The following SLC6A7 variants were observed in gnomAD, a reference collection of about 807,000 sequenced individuals.
SLC6A7 encodes sodium-dependent proline transporter.
SLC6A7 carries 58 observed loss-of-function variants against 73.1 expected under a neutral mutation model. The ratio of observed to expected loss-of-function variants is 0.79; its 90% CI spans 0.64 to 0.99. The LOEUF (loss-of-function observed/expected upper bound fraction) is 0.99. SLC6A7 is among the 50% of genes least tolerant of loss of function. The probability of loss-of-function intolerance (pLI) is 0.00; values close to 1 mark genes in which losing one functional copy is unlikely to be tolerated. For synonymous variants in SLC6A7, 338 were observed against 338.7 expected (o/e 1.00, Z 0.02); for missense variants, 783 against 831.4 (o/e 0.94, Z 0.72).
chr5:150,198,852 G>A (rs1435114420), intron 4 of SLC6A7, among the ~76,000 whole-genome samples: 4 of 151,100 alleles, frequency 2.6e-5, no homozygotes, highest in Admixed American at 2.6e-4. Context: ...GTGTGTGTGT[G>A]TGTGTGTGTG....
At chr5:150,202,292 C>A in intron 6 of SLC6A7, 55 bp from the exon 7 acceptor site, 2 of 1,214,350 alleles carry the variant, frequency 1.6e-6, no homozygotes, top group Non-Finnish European at 2.4e-6. Flanking sequence ...TCACTGCCTT[C>A]CTTCTCTGTC....
Position 150,209,967 on chromosome 5 carries a change from C to G in SLC6A7, c.*352C>G, listed in dbSNP as rs1041850108. ...CCTCCTGACCAGCCAGCTCCCTTTC[C>G]CATGGGGCAGCCGGCACCACCTTCT... On this transcript the variant is annotated 3_prime_UTR_variant, in exon 14 of 14. Transcript: ENST00000230671. The G allele has an allele frequency of 9.3e-6, 3 of 321,100 alleles. No homozygotes were observed. The highest frequency in any genetic ancestry group is 1.8e-5 in the Non-Finnish European group (3 of 167,670). The allele number at this position is 321,100 out of a possible 1,614,324, so 19.9% of individuals were successfully genotyped here. A position where few individuals can be genotyped will look rare whatever the true frequency, so the allele number is the denominator to read the frequency against.
intron 13 of SLC6A7, among the ~76,000 whole-genome samples, chr5:150,205,837 TA>T (rs1753672194): frequency 6.6e-6 from 1 of 152,150 alleles, no homozygotes; most frequent in Non-Finnish European, 1.5e-5. Flanking sequence ...TGGCACAATC[TA>T]AAGACCACTG....
Position 150,203,694 on chromosome 5 carries a change from C to T in SLC6A7, c.1115C>T (p.Pro372Leu), listed in dbSNP as rs1753508721. 1.2e-6 allele frequency: 2 copies of T among 1,611,942 alleles called. No homozygotes were observed. Among genetic ancestry groups the T allele is most frequent in the African/African-American group, 1.3e-5 (1 of 74,868 alleles). Residue 372 changes from proline (P) to leucine (L), a missense_variant, in exon 9 of 14, where the codon CCA (proline) becomes CTA (leucine). Transcript: ENST00000230671. ...CCTGGCCTGGCCTTTGTCGTCTACC[C>T]ACAGGCCATGACCATGCTGCCTCTG... ...AGPGLAFVVY[P>L]QAMTMLPLSP...
At chr5:150,208,861 G>C (rs1554117662) in intron 13 of SLC6A7, among the ~76,000 whole-genome samples, 1 of 152,220 alleles carries the variant, frequency 6.6e-6, no homozygotes, top group Non-Finnish European at 1.5e-5. Flanking sequence ...GTCAGAGGCA[G>C]AAGGAGGCAG....
intron 12 of SLC6A7, 41 bp downstream of exon 12, chr5:150,204,968 G>T (rs1457086826): frequency 1.5e-6 from 2 of 1,307,906 alleles, no homozygotes; most frequent in East Asian, 2.3e-5. Flanking sequence ...TGGGGCCCCA[G>T]AATTGAAAGC....
At position 150,202,708 on chromosome 5, in the gene SLC6A7, G is replaced by A; in HGVS notation, c.1087+5G>A. Reference sequence around the variant, plus strand: ...TGGACCAAGTAGCCAAAGCAGGTGGGCAGGCTGCCAGGCCTCAGTGGGGTG... The same window carrying A: ...TGGACCAAGTAGCCAAAGCAGGTGGACAGGCTGCCAGGCCTCAGTGGGGTG... On this transcript the variant is annotated splice_donor_5th_base_variant and intron_variant, in intron 8 of 13. Coordinates refer to ENST00000230671, the MANE Select transcript of SLC6A7 (RefSeq NM_014228.5). The A allele has an allele frequency of 6.2e-7, 1 of 1,613,834 alleles. No individual in the cohort carries two copies. The highest frequency in any genetic ancestry group is 8.5e-7 in the Non-Finnish European group (1 of 1,179,828).
At chr5:150,200,544 C>T (rs1232484845) in intron 5 of SLC6A7, among the ~76,000 whole-genome samples, 2 of 152,166 alleles carry the variant, frequency 1.3e-5, no homozygotes, top group Non-Finnish European at 2.9e-5. Flanking sequence ...CTTGCCCAAT[C>T]ATTGGTAAAT....
Position 150,197,276 on chromosome 5 carries a change from G to T in SLC6A7, c.584G>T (p.Ser195Ile). The change falls in exon 4 of 14, where the codon AGC becomes ATC. Residue 195 changes from serine to isoleucine, a missense_variant and splice_region_variant. By Grantham distance (142) the Ser-to-Ile change is moderately radical. Transcript: ENST00000230671. Reference protein sequence around the residue: ...CTVSPSEEYWSRYVLHIQGSQ... With the variant: ...CTVSPSEEYWIRYVLHIQGSQ... Reference sequence around the variant, plus strand: ...GTCAGCCCCAGCGAGGAGTACTGGAGGTCAGGCAGCTGCTGGCCCCGCGGC... The same window carrying T: ...GTCAGCCCCAGCGAGGAGTACTGGATGTCAGGCAGCTGCTGGCCCCGCGGC... The T allele has an allele frequency of 6.3e-7, 1 of 1,595,088 alleles. No individual in the cohort carries two copies. Among genetic ancestry groups the T allele is most frequent in the South Asian group, 1.1e-5 (1 of 88,704 alleles).
rs1554115651 is a variant in SLC6A7 at position 150,198,115 on chromosome 5, G to GAGAA, written c.584+862_584+865dup. Among the ~76,000 whole-genome samples the GAGAA allele has an allele frequency of 2.4e-3, 190 of 77,576 alleles. 2 individuals carry two copies. Among genetic ancestry groups the GAGAA allele is most frequent in the South Asian group, 3.5e-3 (8 of 2,288 alleles). The allele number at this position is 77,576 out of a possible 152,430, so 50.9% of individuals were successfully genotyped here. A position where few individuals can be genotyped will look rare whatever the true frequency, so the allele number is the denominator to read the frequency against. ...AGAAAGAAAGAAAGAAAGAAAGAAA[G>GAGAA]AGAAAGAAAGAAAGAAAGAAAGAAA... On this transcript the variant is annotated intron_variant, in intron 4 of 13. Transcript: ENST00000230671.
chr5:150,205,350 G>T, intron 12 of SLC6A7, 106 bp from the exon 13 acceptor site: 1 of 895,016 alleles, frequency 1.1e-6, no homozygotes, highest in Non-Finnish European at 1.7e-6. Context: ...GGGTAGCTCT[G>T]GGCTGGACTG....
chr5:150,207,958 G>A (rs1346701516), intron 13 of SLC6A7, among the ~76,000 whole-genome samples: 1 of 151,530 alleles, frequency 6.6e-6, no homozygotes, highest in African/African-American at 2.4e-5. Flanking sequence ...AAGGAGGGGT[G>A]CTCCTGTCAT....
Position 150,209,537 on chromosome 5 carries a change from C to T in SLC6A7, c.1833C>T (p.Tyr611=), listed in dbSNP as rs145244839. 2,043 of 1,614,132 alleles carry T rather than the reference C, an allele frequency of 1.3e-3. 5 individuals carry two copies. Among genetic ancestry groups the T allele is most frequent in the Non-Finnish European group, 1.5e-3 (1,793 of 1,180,022 alleles). ...CACTGATGGTGCACATGCGCAAGTACGGGGGCATCACCAGCTTCGAGAACA... is the reference window on the plus strand; with the variant it reads ...CACTGATGGTGCACATGCGCAAGTATGGGGGCATCACCAGCTTCGAGAACA... ...PKPLMVHMRK[Y]GGITSFENTA... is the part of the protein sequence containing the mutation. The change falls in exon 14 of 14, where the codon TAC becomes TAT. Residue 611 remains tyrosine, a synonymous_variant. Transcript: ENST00000230671.
intron 13 of SLC6A7, among the ~76,000 whole-genome samples, chr5:150,207,396 C>A (rs1247925829): frequency 1.3e-5 from 2 of 152,174 alleles, no homozygotes; most frequent in Non-Finnish European, 2.9e-5. Flanking sequence ...GCTGGGATGA[C>A]AAGCACCTGC....
chr5:150,206,807 G>A (rs938427089), intron 13 of SLC6A7, among the ~76,000 whole-genome samples: 1 of 152,224 alleles, frequency 6.6e-6, no homozygotes, highest in African/African-American at 2.4e-5. Flanking sequence ...GTTGCTTAGG[G>A]GGGAGGCTCC....
chr5:150,209,346 T>A (rs778130960), intron 13 of SLC6A7, 60 bp from the exon 14 acceptor site: 6 of 1,411,416 alleles, frequency 4.3e-6, no homozygotes, highest in Non-Finnish European at 3.0e-6. Flanking sequence ...CTGGCCACAG[T>A]GAACCCTCCA....
chr5:150,200,335 A>G (rs1025942250), intron 5 of SLC6A7, among the ~76,000 whole-genome samples: 1 of 152,164 alleles, frequency 6.6e-6, no homozygotes, highest in Non-Finnish European at 1.5e-5. Flanking sequence ...TCTACTAAAA[A>G]TACAAAAATT....
In SLC6A7 at chr5:150,204,651, G is replaced by A; in HGVS notation, c.1432+20G>A. On this transcript the variant is annotated intron_variant, in intron 11 of 13. Coordinates refer to ENST00000230671, the MANE Select transcript of SLC6A7 (RefSeq NM_014228.5). The stretch of plus-strand genomic sequence containing the variant: ...TGTATGGTGAGAAGAGCCGTGGGAA[G>A]TGGAGTCGAGCTCTCCGCAGTGGGA... 6.4e-7 allele frequency: 1 copy of A among 1,563,088 alleles called. No homozygotes were observed. Among genetic ancestry groups the A allele is most frequent in the Non-Finnish European group, 8.8e-7 (1 of 1,133,298 alleles).
Position 150,196,990 on chromosome 5 carries a change from C to T in SLC6A7, c.350-52C>T, listed in dbSNP as rs146786762. ...CCAGCTCCCCAGAAGCCACTCCACC[C>T]GGCTGGCAGAGAGCTTGGCCTGGGC... On this transcript the variant is annotated intron_variant, in intron 3 of 13. Transcript: ENST00000230671. The T allele has an allele frequency of 4.3e-5, 68 of 1,565,228 alleles. 1 individual carries two copies. Among genetic ancestry groups the T allele is most frequent in the African/African-American group, 6.8e-5 (5 of 73,978 alleles).
Sources: allele counts gnomAD v4.1 joint callset (sites outside exome capture counted in the v4.1 genomes callset), GRCh38; gene constraint gnomAD v4.1.1; transcripts MANE v1.5; gene names NCBI Gene and HGNC (gene_info 2026-07-23, HGNC 2026-07-21).